Variants in SH3TC2 observed in about 807,000 individuals in gnomAD.
SH3TC2 encodes SH3 domain and tetratricopeptide repeat-containing protein 2.
A neutral mutation model predicts 124.5 loss-of-function variants in SH3TC2; 87 were observed. The observed-to-expected ratio is 0.70, with a 90% CI of 0.59 to 0.84. The LOEUF (loss-of-function observed/expected upper bound fraction) is 0.84. Ranked by LOEUF, SH3TC2 falls within the 40% of genes least tolerant of loss-of-function variation. The pLI is 0.00. For synonymous variants in SH3TC2, 634 were observed against 628.5 expected (o/e 1.01, Z -0.13); for missense variants, 1,536 against 1,566.4 (o/e 0.98, Z 0.33).
rs1753593633 is a variant in SH3TC2, at chr5:149,001,296, A to G, written c.*3415T>C. On this transcript the variant is annotated 3_prime_UTR_variant, in exon 17 of 17. Transcript: ENST00000515425. ...GAATGTTAATACTGTTGGACAGGGA[A>G]CTAGTATACCTGAAAGCTGAGAAAA... 7 of 152,304 alleles carry G rather than the reference A, an allele frequency of 4.6e-5. No individual in the cohort carries two copies. In the South Asian group the frequency reaches 1.5e-3, roughly 32 times the overall value. 9.4% of individuals were successfully genotyped at this position (152,304 alleles called of 1,614,324 possible).
chr5:149,007,189 C>T (rs771563049), intron 15 of SH3TC2, 112 bp from the exon 16 acceptor site: 13 of 970,114 alleles, frequency 1.3e-5, no homozygotes, highest in South Asian at 8.0e-5. Flanking sequence ...AGGGACTGTG[C>T]TGGGGCATAG....
intron 6 of SH3TC2, 65 bp from the exon 7 acceptor site, chr5:149,040,742 G>C: frequency 5.5e-6 from 7 of 1,271,058 alleles, no homozygotes; most frequent in South Asian, 1.2e-5. Flanking sequence ...GAACAGAACA[G>C]TCTATCAGAA....
rs1480335259 is a variant in SH3TC2 at position 149,012,568 on chromosome 5, T to A, written c.3204+16A>T. 2.5e-6 allele frequency: 4 copies of A among 1,614,014 alleles called. No individual in the cohort carries two copies. Among genetic ancestry groups the A allele is most frequent in the Non-Finnish European group, 3.4e-6 (4 of 1,179,928 alleles). On this transcript the variant is annotated intron_variant, in intron 13 of 16. Coordinates refer to ENST00000515425, the MANE Select transcript of SH3TC2 (RefSeq NM_024577.4). ...TCCAAGTCAACAACTCCCAGAGAGCTCTGCAGGAGGCCTACCTGCAGGCAC... is the reference window on the plus strand; with the variant it reads ...TCCAAGTCAACAACTCCCAGAGAGCACTGCAGGAGGCCTACCTGCAGGCAC...
chr5:149,038,261 C>T (rs959623008), intron 8 of SH3TC2, 34 bp downstream of exon 8: 91 of 1,602,110 alleles, frequency 5.7e-5, no homozygotes, highest in Non-Finnish European at 7.4e-5. Flanking sequence ...GAAAGGGAGC[C>T]CAGCTCCAGG....
At position 148,995,905 on chromosome 5, in the gene SH3TC2, C is replaced by T. The variant is rs1461615539; in HGVS notation, c.*8806G>A. On this transcript the variant is annotated 3_prime_UTR_variant, in exon 17 of 17. Transcript: ENST00000515425. ...AAGGAAAAGTACAGGGACAAATGAG[C>T]ACAAGCAAAAGGGAGATGCTAAGGA... 6.6e-6 allele frequency among the ~76,000 whole-genome samples: 1 copy of T among 151,886 alleles called. No individual in the cohort carries two copies. The highest frequency in any genetic ancestry group is 2.4e-5 in the African/African-American group (1 of 41,328).
At chr5:149,035,257 C>T (rs1754263243) in intron 8 of SH3TC2, 1 of 152,102 alleles carries the variant, frequency 6.6e-6, no homozygotes, top group Admixed American at 6.5e-5. Flanking sequence ...CTATAAAATA[C>T]TAGCTTTTTT....
At chr5:149,014,172 A>C (rs1377765001) in intron 12 of SH3TC2, among the ~76,000 whole-genome samples, 1 of 152,176 alleles carries the variant, frequency 6.6e-6, no homozygotes, top group Admixed American at 6.5e-5. Flanking sequence ...TTTGTGGCCC[A>C]CCTGCATCAG....
At chr5:149,008,104 G>A (rs1434672572) in intron 15 of SH3TC2, 1 of 152,976 alleles carries the variant, frequency 6.5e-6, no homozygotes, top group East Asian at 1.9e-4. Flanking sequence ...ACAAAATAAA[G>A]TCCGGTATCA....
rs1580882648 is a variant in SH3TC2, at chr5:148,998,942, C to A, written c.*5769G>T. 6.6e-6 allele frequency among the ~76,000 whole-genome samples: 1 copy of A among 152,074 alleles called. No homozygotes were observed. Among genetic ancestry groups the A allele is most frequent in the East Asian group, 1.9e-4 (1 of 5,188 alleles). ...GTGAGAGGCCCAGTAGCAAAGAGCA[C>A]CCCTAACATACACACCCTCCCGCTT... On this transcript the variant is annotated 3_prime_UTR_variant, in exon 17 of 17. Coordinates refer to ENST00000515425, the MANE Select transcript of SH3TC2 (RefSeq NM_024577.4).
chr5:149,039,000 C>T (rs1323193332), intron 7 of SH3TC2, among the ~76,000 whole-genome samples: 4 of 152,190 alleles, frequency 2.6e-5, no homozygotes, highest in Non-Finnish European at 5.9e-5. Context: ...AATAGGAATA[C>T]CTGCTGCTTA....
chr5:149,004,348 A>G lies in SH3TC2; in HGVS notation c.*363T>C, dbSNP rs534214609. On this transcript the variant is annotated 3_prime_UTR_variant, in exon 17 of 17. Transcript: ENST00000515425. ...ATTCCAATCTGCTTGCCTTTGCACC[A>G]GTGCAGTGACTGATTTCCTCATTGG... The G allele has an allele frequency of 4.6e-4, 122 of 264,034 alleles. No homozygotes were observed. The highest frequency in any genetic ancestry group is 5.1e-5 in the Non-Finnish European group (7 of 137,166). 16.4% of individuals were successfully genotyped at this position (264,034 alleles called of 1,614,324 possible).
rs144458439 is a variant in SH3TC2 at position 149,015,781 on chromosome 5, A to G, written c.3054-3047T>C. On this transcript the variant is annotated intron_variant, in intron 12 of 16. Coordinates refer to ENST00000515425, the MANE Select transcript of SH3TC2 (RefSeq NM_024577.4). Reference sequence around the variant, plus strand: ...GGATGAGTCTGTCTAACCTCTGGCCAAAGCCCAGCCTCCACTAATTGGTCA... The same window carrying G: ...GGATGAGTCTGTCTAACCTCTGGCCGAAGCCCAGCCTCCACTAATTGGTCA... 2.9e-3 allele frequency among the ~76,000 whole-genome samples: 449 copies of G among 152,310 alleles called. 2 individuals are homozygous for G. The highest frequency in any genetic ancestry group is 0.01 in the African/African-American group (430 of 41,564).
At chr5:149,060,810 C>T (rs539266754) in intron 1 of SH3TC2, among the ~76,000 whole-genome samples, 2 of 152,296 alleles carry the variant, frequency 1.3e-5, no homozygotes, top group Admixed American at 1.3e-4. Context: ...ATTTAATCCT[C>T]ACAAAAGTTC....
At position 149,034,831 on chromosome 5, in the gene SH3TC2, T is replaced by C. The variant is rs1044599458; in HGVS notation, c.1002-3144A>G. 3.3e-5 allele frequency among the ~76,000 whole-genome samples: 5 copies of C among 152,230 alleles called. No individual in the cohort carries two copies. In the South Asian group the frequency reaches 1.0e-3, roughly 32 times the overall value. ...TGATTCTCTGAAAAGACAAGCAAAA[T>C]GGACAAGGCCCTGGCAACATGGATT... On this transcript the variant is annotated intron_variant, in intron 8 of 16. Coordinates refer to ENST00000515425, the MANE Select transcript of SH3TC2 (RefSeq NM_024577.4).
In SH3TC2 at chr5:149,004,906, A is replaced by AC; in HGVS notation, c.3676-5dup. On this transcript the variant is annotated splice_region_variant and splice_polypyrimidine_tract_variant and intron_variant, in intron 16 of 16. Transcript: ENST00000515425. Reference sequence around the variant, plus strand: ...ACTCAGTGGCATCATGGGCATCCTAACCCCGTGGTATGGGGGCAAAGAAGA... The same window carrying AC: ...ACTCAGTGGCATCATGGGCATCCTAACCCCCGTGGTATGGGGGCAAAGAAGA... 6.2e-7 allele frequency: 1 copy of AC among 1,613,966 alleles called. No individual in the cohort carries two copies. Among genetic ancestry groups the AC allele is most frequent in the Non-Finnish European group, 8.5e-7 (1 of 1,179,984 alleles).
At chr5:149,050,413 T>A (rs1456044418) in intron 2 of SH3TC2, among the ~76,000 whole-genome samples, 1 of 152,218 alleles carries the variant, frequency 6.6e-6, no homozygotes, top group Admixed American at 6.5e-5. Flanking sequence ...TCTCACTCCA[T>A]GACCTTCCTG....
At chr5:149,026,390 C>G in intron 12 of SH3TC2, 182 bp downstream of exon 12, 1 of 667,784 alleles carries the variant, frequency 1.5e-6, no homozygotes, top group Non-Finnish European at 2.6e-6. Flanking sequence ...AATTAAATAG[C>G]TTGCCCAAGG....
chr5:149,062,204 C>G (rs1033301417), intron 1 of SH3TC2: 2 of 406,900 alleles, frequency 4.9e-6, no homozygotes. Flanking sequence ...CAAGCCTCCC[C>G]CCACCAATCT....
At chr5:149,034,402 A>G (rs1754249386) in intron 8 of SH3TC2, 2 of 300,834 alleles carry the variant, frequency 6.6e-6, no homozygotes, top group South Asian at 5.9e-5. Context: ...TCTAATAGGA[A>G]TTCCAGAAGA....
Sources: gnomAD v4.1 joint callset for allele counts (sites outside exome capture counted in the v4.1 genomes callset) on GRCh38, gnomAD v4.1.1 for gene constraint, MANE v1.5 for transcripts, NCBI Gene and HGNC (gene_info 2026-07-23, HGNC 2026-07-21) for gene names.